The following ETNK1 variants were observed in gnomAD, a reference collection of about 807,000 sequenced individuals.
The protein encoded by ETNK1 is ethanolamine kinase 1, also known as putative protein product of Nbla10396.
Under a neutral mutation model 45.1 loss-of-function variants are expected in ETNK1, and 8 were observed. The ratio of observed to expected loss-of-function variants is 0.18; its 90% CI spans 0.10 to 0.32. The LOEUF (loss-of-function observed/expected upper bound fraction) is 0.32, where lower values mean the gene tolerates loss of function less well. Among genes scored for constraint, ETNK1 ranks in the 10% least tolerant of loss-of-function variants. The probability of loss-of-function intolerance (pLI) is 1.00; values close to 1 mark genes in which losing one functional copy is unlikely to be tolerated. For missense variants in ETNK1, 302 were observed against 430.6 expected, an observed-to-expected ratio of 0.70 and a Z score of 2.64; for synonymous variants, 152 against 151.9, an observed-to-expected ratio of 1.00 and a Z score of -0.01.
At chr12:22,645,872 T>C (rs1953801737) in intron 2 of ETNK1, among the ~76,000 whole-genome samples, 1 of 151,876 alleles carries the variant, frequency 6.6e-6, no homozygotes, top group South Asian at 2.1e-4. Context: ...CCCCCCTTCC[T>C]AGATTTACTC....
chr12:22,629,094 G>A (rs1283130095), intron 1 of ETNK1, among the ~76,000 whole-genome samples: 1 of 151,858 alleles, frequency 6.6e-6, no homozygotes, highest in Non-Finnish European at 1.5e-5. Context: ...TTATTGTGAG[G>A]GTAAAATAAA....
chr12:22,638,053 A>G (rs1444392216), intron 1 of ETNK1, among the ~76,000 whole-genome samples: 1 of 151,698 alleles, frequency 6.6e-6, no homozygotes, highest in Non-Finnish European at 1.5e-5. Flanking sequence ...AAAAATTACA[A>G]AAAAAAAGCA....
chr12:22,650,844 T>C (rs1266770990), intron 2 of ETNK1, among the ~76,000 whole-genome samples: 2 of 152,330 alleles, frequency 1.3e-5, no homozygotes, highest in Admixed American at 6.5e-5. Flanking sequence ...GAATTCTTTT[T>C]CAATGAGCAT....
chr12:22,626,366 G>A (rs1953497580), intron 1 of ETNK1, among the ~76,000 whole-genome samples: 1 of 151,884 alleles, frequency 6.6e-6, no homozygotes, highest in Non-Finnish European at 1.5e-5. Flanking sequence ...TCTGTTTTTA[G>A]CTTTAGTTTC....
chr12:22,661,044 C>G lies in ETNK1; in HGVS notation c.558-19C>G. On this transcript the variant is annotated intron_variant, in intron 3 of 7. Transcript: ENST00000266517. ...AAAAAATGTCACACAAGATATAACT[C>G]TTCTTTTAAAACTAAAAGGTTCCTA... The G allele has an allele frequency of 6.3e-7, 1 of 1,593,132 alleles. No individual in the cohort carries two copies. Among genetic ancestry groups the G allele is most frequent in the Non-Finnish European group, 8.5e-7 (1 of 1,173,372 alleles).
At chr12:22,674,994 A>G (rs1954146219) in intron 6 of ETNK1, among the ~76,000 whole-genome samples, 1 of 152,244 alleles carries the variant, frequency 6.6e-6, no homozygotes, top group African/African-American at 2.4e-5. Flanking sequence ...AAGGCCAAAT[A>G]AGATGTACAG....
chr12:22,635,283 T>C (rs530228613), intron 1 of ETNK1, among the ~76,000 whole-genome samples: 2 of 152,276 alleles, frequency 1.3e-5, no homozygotes, highest in East Asian at 1.9e-4. Flanking sequence ...TATCTCCCCA[T>C]TGGGAAGGGG....
intron 2 of ETNK1, chr12:22,644,548 T>C: frequency 3.2e-6 from 1 of 311,932 alleles, no homozygotes; most frequent in South Asian, 1.3e-4. Context: ...TTGAAAACTC[T>C]AGAAAATGGT....
chr12:22,666,081 G>A (rs532123836), intron 4 of ETNK1, among the ~76,000 whole-genome samples: 11 of 152,266 alleles, frequency 7.2e-5, no homozygotes, highest in Non-Finnish European at 1.5e-4. Flanking sequence ...AGGCATCACG[G>A]GAAGAAATTT....
At chr12:22,664,087 A>C (rs968903388) in intron 4 of ETNK1, among the ~76,000 whole-genome samples, 3 of 152,010 alleles carry the variant, frequency 2.0e-5, no homozygotes. Flanking sequence ...AAGGTAATTT[A>C]ACTATATGAC....
intron 1 of ETNK1, among the ~76,000 whole-genome samples, chr12:22,633,221 A>G (rs925952364): frequency 6.6e-6 from 1 of 152,128 alleles, no homozygotes. Flanking sequence ...CTTATGGTAT[A>G]TCTTTACCAA....
At position 22,659,190 on chromosome 12, in the gene ETNK1, A is replaced by G. The variant is rs757688229; in HGVS notation, c.557+36A>G. On this transcript the variant is annotated intron_variant, in intron 3 of 7. Coordinates refer to ENST00000266517, the MANE Select transcript of ETNK1 (RefSeq NM_018638.5). ...TTTTACATTTGAAATTATGTTTTAC[A>G]TTGCTTTGCTCTATGATAGGGTTTC... is the stretch of plus-strand genomic sequence containing the variant. 21 of 1,585,314 alleles carry G rather than the reference A, an allele frequency of 1.3e-5. No individual in the cohort carries two copies. The Middle Eastern group carries it at 1.0e-3, about 79-fold the overall frequency.
intron 6 of ETNK1, among the ~76,000 whole-genome samples, chr12:22,674,133 A>G (rs887951798): frequency 4.6e-5 from 7 of 152,132 alleles, no homozygotes; most frequent in Admixed American, 3.3e-4. Context: ...CCTTCATTTG[A>G]TAAGCAGTTA....
At chr12:22,673,704 T>C in intron 6 of ETNK1, 44 bp downstream of exon 6, 1 of 1,501,604 alleles carries the variant, frequency 6.7e-7, no homozygotes, top group Non-Finnish European at 9.0e-7. Context: ...CTTACTGTAA[T>C]TGAAAATGCT....
At chr12:22,631,863 T>C (rs1953584387) in intron 1 of ETNK1, among the ~76,000 whole-genome samples, 1 of 152,196 alleles carries the variant, frequency 6.6e-6, no homozygotes, top group African/African-American at 2.4e-5. Context: ...TTTTACTCTT[T>C]GATATACCAG....
In ETNK1 at chr12:22,661,066, C is replaced by T. The variant is rs1453843043; in HGVS notation, c.561C>T (p.Phe187=). ...GFADEDINKR[F]LSDIPSSQIL... ...ACTCTTCTTTTAAAACTAAAAGGTT[C>T]CTAAGTGATATCCCAAGCTCTCAGA... is the stretch of plus-strand genomic sequence containing the variant. The change falls in exon 4 of 8, where the codon TTC becomes TTT. Residue 187 remains phenylalanine (F), a synonymous_variant. Transcript: ENST00000266517. The T allele has an allele frequency of 2.5e-6, 4 of 1,604,422 alleles. No individual in the cohort carries two copies. In the African/African-American group the frequency reaches 4.0e-5, roughly 16 times the overall value.
chr12:22,650,171 A>G (rs1003485078), intron 2 of ETNK1, among the ~76,000 whole-genome samples: 2 of 151,722 alleles, frequency 1.3e-5, no homozygotes, highest in African/African-American at 2.4e-5. Context: ...ATAATTGCTC[A>G]TTCCGCGAGG....
At chr12:22,625,655 C>T (rs1953483551) in intron 1 of ETNK1, 69 bp downstream of exon 1, 4 of 1,513,004 alleles carry the variant, frequency 2.6e-6, no homozygotes, top group East Asian at 4.9e-5. Flanking sequence ...TCACCACAAT[C>T]GCCTCTGTCC....
intron 1 of ETNK1, among the ~76,000 whole-genome samples, chr12:22,629,376 A>C (rs139799856): frequency 6.6e-6 from 1 of 152,134 alleles, no homozygotes; most frequent in Non-Finnish European, 1.5e-5. Context: ...TCTTTTCATC[A>C]TTTTTTTAAG....
Sources: gnomAD v4.1 joint callset for allele counts (sites outside exome capture counted in the v4.1 genomes callset) on GRCh38, gnomAD v4.1.1 for gene constraint, MANE v1.5 for transcripts, NCBI Gene and HGNC (gene_info 2026-07-23, HGNC 2026-07-21) for gene names.